The following RBM47 variants were observed in gnomAD, a reference collection of about 807,000 sequenced individuals.
RBM47 encodes the protein RNA binding motif protein 47.
Under a neutral mutation model 47.1 loss-of-function variants are expected in RBM47, and 21 were observed. That is an observed-to-expected ratio of 0.45 (90% CI 0.32 to 0.64). The LOEUF (loss-of-function observed/expected upper bound fraction) is 0.64, where lower values mean the gene tolerates loss of function less well. Among genes scored for constraint, RBM47 ranks in the 30% least tolerant of loss-of-function variants. RBM47 has a pLI of 0.05. For synonymous variants in RBM47, 375 were observed against 361.7 expected, an observed-to-expected ratio of 1.04 and a Z score of -0.42; for missense variants, 708 against 870.9, an observed-to-expected ratio of 0.81 and a Z score of 2.35.
At chr4:40,491,853 T>G (rs189894271) in intron 2 of RBM47, 1 of 201,464 alleles carries the variant, frequency 5.0e-6, no homozygotes, top group African/African-American at 2.4e-5. Context: ...TGTGGCTACA[T>G]TGCCAAGTGC....
chr4:40,588,986 G>A (rs1038680655), intron 1 of RBM47, among the ~76,000 whole-genome samples: 2 of 146,804 alleles, frequency 1.4e-5, no homozygotes, highest in African/African-American at 5.0e-5. Context: ...AATAGCTAAA[G>A]CGTTTCTTTT....
intron 2 of RBM47, among the ~76,000 whole-genome samples, chr4:40,536,723 G>GTT (rs1464796112): frequency 1.6e-5 from 2 of 126,764 alleles, no homozygotes; most frequent in African/African-American, 3.6e-5. Flanking sequence ...GTGTGTTTTT[G>GTT]TTTTTTTTTT....
intron 1 of RBM47, among the ~76,000 whole-genome samples, chr4:40,610,892 G>A (rs1003528109): frequency 6.6e-6 from 1 of 152,054 alleles, no homozygotes; most frequent in Non-Finnish European, 1.5e-5. Flanking sequence ...TGTAAGAAGT[G>A]CCTTTCACCC....
chr4:40,528,949 AAAATAAATAAATAAAT>A (rs1553896750), intron 2 of RBM47, among the ~76,000 whole-genome samples: 2 of 88,596 alleles, frequency 2.3e-5, no homozygotes, highest in Admixed American at 1.1e-4. Flanking sequence ...TCTCAAAAAA[AAAATAAATAAATAAAT>A]AAATAAATAA....
chr4:40,552,585 T>C (rs1178235879), intron 1 of RBM47, among the ~76,000 whole-genome samples: 1 of 152,044 alleles, frequency 6.6e-6, no homozygotes, highest in Non-Finnish European at 1.5e-5. Context: ...TTCTGATAGA[T>C]CAATCTTTCT....
chr4:40,528,577 C>G (rs1259559297), intron 2 of RBM47, among the ~76,000 whole-genome samples: 3 of 151,888 alleles, frequency 2.0e-5, no homozygotes, highest in Non-Finnish European at 2.9e-5. Flanking sequence ...CCAGCCTGGC[C>G]AATATGGTGA....
At chr4:40,492,263 C>T (rs60257730) in intron 2 of RBM47, among the ~76,000 whole-genome samples, 22 of 152,020 alleles carry the variant, frequency 1.4e-4, no homozygotes, top group African/African-American at 5.3e-4. Flanking sequence ...CCAGCTACTT[C>T]GGAGGCTGAG....
chr4:40,472,562 C>A (rs1412323269), intron 2 of RBM47, among the ~76,000 whole-genome samples: 193 of 126,234 alleles, frequency 1.5e-3, no homozygotes, highest in Middle Eastern at 4.4e-3. Context: ...TGCTCTGTCT[C>A]AAAAAAAAAA....
intron 2 of RBM47, chr4:40,514,773 T>C (rs1352178654): frequency 6.6e-6 from 1 of 152,212 alleles, no homozygotes; most frequent in Non-Finnish European, 1.5e-5. Context: ...GGGAAAGCAA[T>C]GTCAAACTTT....
Position 40,436,505 on chromosome 4 carries a change from T to C in RBM47, c.1266A>G (p.Gly422=), listed in dbSNP as rs1471278522. ...TTTCCAAATTCGGCACCAGTTCATATCCTTTTTCTTGCTGCTTTCCTTTCC... is the reference window on the plus strand; with the variant it reads ...TTTCCAAATTCGGCACCAGTTCATACCCTTTTTCTTGCTGCTTTCCTTTCC... The part of the protein sequence containing the change: ...HEGKGKQQEK[G]YELVPNLEIP... Residue 422 remains glycine (G), a synonymous_variant, in exon 5 of 7, where the codon GGA becomes GGG. Transcript: ENST00000295971. The C allele has an allele frequency of 6.2e-7, 1 of 1,614,220 alleles. No individual in the cohort carries two copies. The highest frequency in any genetic ancestry group is 8.5e-7 in the Non-Finnish European group (1 of 1,180,044).
intron 2 of RBM47, among the ~76,000 whole-genome samples, chr4:40,525,283 CGAA>C (rs1560444868): frequency 6.6e-6 from 1 of 152,062 alleles, no homozygotes; most frequent in East Asian, 1.9e-4. Flanking sequence ...ACTAAAAATA[CGAA>C]AATTAGCCAG....
chr4:40,585,725 A>G (rs1733512699), intron 1 of RBM47, among the ~76,000 whole-genome samples: 1 of 152,238 alleles, frequency 6.6e-6, no homozygotes, highest in South Asian at 2.1e-4. Context: ...TTTATTAACC[A>G]TGCCCCTGCT....
chr4:40,608,366 A>G (rs1735951839), intron 1 of RBM47, among the ~76,000 whole-genome samples: 2 of 152,160 alleles, frequency 1.3e-5, no homozygotes, highest in South Asian at 4.1e-4. Flanking sequence ...AGCGACCAAT[A>G]GGTACCAAGT....
intron 1 of RBM47, among the ~76,000 whole-genome samples, chr4:40,561,343 G>A (rs567208494): frequency 1.4e-5 from 2 of 147,262 alleles, no homozygotes; most frequent in African/African-American, 5.0e-5. Flanking sequence ...GCGATTCTCC[G>A]GCCTCAGCAT....
chr4:40,506,539 A>C (rs1369758181), intron 2 of RBM47, among the ~76,000 whole-genome samples: 1 of 152,228 alleles, frequency 6.6e-6, no homozygotes, highest in African/African-American at 2.4e-5. Flanking sequence ...TGCACTGGGA[A>C]GGGCAGAGGG....
At chr4:40,524,960 A>G (rs1461945602) in intron 2 of RBM47, among the ~76,000 whole-genome samples, 1 of 152,258 alleles carries the variant, frequency 6.6e-6, no homozygotes, top group Non-Finnish European at 1.5e-5. Context: ...GCCACTGGAT[A>G]TATTTAATGA....
intron 2 of RBM47, among the ~76,000 whole-genome samples, chr4:40,516,742 G>C (rs1199776080): frequency 6.6e-6 from 1 of 152,188 alleles, no homozygotes; most frequent in Admixed American, 6.5e-5. Flanking sequence ...TGACAGCCCA[G>C]GATTTCCCTT....
intron 6 of RBM47, among the ~76,000 whole-genome samples, chr4:40,432,203 T>TACACACACACACACAC (rs61008905): frequency 8.8e-5 from 13 of 147,722 alleles, no homozygotes; most frequent in African/African-American, 2.8e-4. Flanking sequence ...TCTCTCTCTT[T>TACACACACACACACAC]ACACACACAC....
intron 2 of RBM47, among the ~76,000 whole-genome samples, chr4:40,498,088 A>ATATATAT (rs1451337894): frequency 6.5e-5 from 9 of 138,606 alleles, no homozygotes; most frequent in Non-Finnish European, 9.6e-5. Flanking sequence ...ATGTTTATCT[A>ATATATAT]ATTCCAGAAA....
Sources: gnomAD v4.1 joint callset for allele counts (sites outside exome capture counted in the v4.1 genomes callset) on GRCh38, gnomAD v4.1.1 for gene constraint, MANE v1.5 for transcripts, NCBI Gene and HGNC (gene_info 2026-07-23, HGNC 2026-07-21) for gene names.